APLP1: variants seen among roughly 807,000 people sequenced by gnomAD.
The protein encoded by APLP1 is amyloid beta (A4) precursor-like protein 1.
Under a neutral mutation model 84.5 loss-of-function variants are expected in APLP1, and 46 were observed. The observed-to-expected ratio is 0.54, with a 90% CI of 0.43 to 0.70. The LOEUF (loss-of-function observed/expected upper bound fraction) is 0.70. APLP1 is among the 30% of genes least tolerant of loss of function. The pLI is 0.00. For synonymous variants in APLP1, 376 were observed against 364.0 expected (o/e 1.03, Z -0.38); for missense variants, 826 against 900.2 (o/e 0.92, Z 1.05).
chr19:35,876,100 C>G (rs944967757), intron 10 of APLP1, among the ~76,000 whole-genome samples: 1 of 152,196 alleles, frequency 6.6e-6, no homozygotes, highest in Non-Finnish European at 1.5e-5. Flanking sequence ...GTTCCTTGAA[C>G]CCTCTTCCTG....
rs536587013 is a variant in APLP1 at position 35,871,276 on chromosome 19, G to A, written c.464G>A (p.Gly155Asp). 1.2e-6 allele frequency: 2 copies of A among 1,613,700 alleles called. No homozygotes were observed. The highest frequency in any genetic ancestry group is 1.7e-6 in the Non-Finnish European group (2 of 1,179,870). The change falls in exon 4 of 17, where the codon GGC becomes GAC. Residue 155 changes from glycine (G) to aspartate (D), a missense_variant. Gly to Asp is a moderately conservative substitution (Grantham distance 94). This residue lies in a region of APLP1 where 383 missense variants were observed against 378.3 expected (regional missense o/e 1.01). Transcript: ENST00000221891. Reference protein sequence around the residue: ...FVSEALLVPEGCRFLHQERMD... With the variant: ...FVSEALLVPEDCRFLHQERMD... ...AGTGAGGCCCTGCTGGTGCCTGAAG[G>A]CTGCCGGTTCTTGCACCAGGAGCGC...
Position 35,871,012 on chromosome 19 carries a change from G to T in APLP1, c.408G>T (p.Val136=), listed in dbSNP as rs578207029. 1 of 1,539,104 alleles carries T rather than the reference G, an allele frequency of 6.5e-7. No individual in the cohort carries two copies. Among genetic ancestry groups the T allele is most frequent in the South Asian group, 1.2e-5 (1 of 80,528 alleles). Residue 136 remains valine, a synonymous_variant, in exon 3 of 17, where the codon GTG becomes GTT. Coordinates refer to ENST00000221891, the MANE Select transcript of APLP1 (RefSeq NM_001024807.3). ...GSCAHPHHQV[V]PFRCLPGEFV... is the part of the protein sequence containing the mutation. ...GCGCCCACCCCCACCACCAGGTTGTGCCCTTCCGCTGCCTGCGTGAGTCCC... is the reference window on the plus strand; with the variant it reads ...GCGCCCACCCCCACCACCAGGTTGTTCCCTTCCGCTGCCTGCGTGAGTCCC...
At chr19:35,876,868 G>A (rs1004831768) in intron 11 of APLP1, among the ~76,000 whole-genome samples, 1 of 152,182 alleles carries the variant, frequency 6.6e-6, no homozygotes, top group Non-Finnish European at 1.5e-5. Context: ...TCTAGGGGCT[G>A]GGAGTCTAGC....
At chr19:35,876,169 C>T (rs1413564130) in intron 10 of APLP1, among the ~76,000 whole-genome samples, 3 of 152,136 alleles carry the variant, frequency 2.0e-5, no homozygotes, top group African/African-American at 2.4e-5. Context: ...CTGTTCTGTG[C>T]GCTCAAATTT....
Position 35,877,803 on chromosome 19 carries a change from G to C in APLP1, c.1530G>C (p.Leu510=). Residue 510 remains leucine, a synonymous_variant, in exon 12 of 17, where the codon CTG becomes CTC. Coordinates refer to ENST00000221891, the MANE Select transcript of APLP1 (RefSeq NM_001024807.3). ...PGGSSEDKGG[L]QPPDSKDADT... ...GCAGCAGCGAGGACAAGGGTGGGCT[G>C]CAGCCTCCAGATTCCAAGGATGGTG... The C allele has an allele frequency of 6.2e-7, 1 of 1,610,428 alleles. No homozygotes were observed. The highest frequency in any genetic ancestry group is 8.5e-7 in the Non-Finnish European group (1 of 1,178,906).
At position 35,871,913 on chromosome 19, in the gene APLP1, G is replaced by T. The variant is rs1224573406; in HGVS notation, c.727G>T (p.Glu243Ter). The change falls in exon 6 of 17, where the codon GAG becomes TAG. Residue 243 changes from glutamate (E) to a stop codon, truncating the protein, a stop_gained. Coordinates refer to ENST00000221891, the MANE Select transcript of APLP1 (RefSeq NM_001024807.3). LOFTEE classifies it high-confidence loss of function. ...GAGCAGAGTAGAGGGGGCTGAGGAC[G>T]AGGAAGAGGAGGAATCCTTCCCACA... ...PGSRVEGAED[E>*]EEEESFPQPV... 6.2e-7 allele frequency: 1 copy of T among 1,614,028 alleles called. No individual in the cohort carries two copies. The highest frequency in any genetic ancestry group is 8.5e-7 in the Non-Finnish European group (1 of 1,180,018).
At chr19:35,872,424 G>C in intron 6 of APLP1, 59 bp from the exon 7 acceptor site, 2 of 1,580,132 alleles carry the variant, frequency 1.3e-6, no homozygotes, top group East Asian at 4.5e-5. Context: ...GGTTCTCTAG[G>C]TAGAAAAGGC....
rs114809308 is a variant in APLP1, at chr19:35,868,945, G to T, written c.147+162G>T. ...TATGAACCCAGGGTTCCAGGCCCCA[G>T]CTCCCCCATCATGCGACGTCCCAGC... On this transcript the variant is annotated intron_variant, in intron 1 of 16. Transcript: ENST00000221891. The surrounding 1 kb of genome is among the most constrained non-coding windows in gnomAD (Gnocchi z 5.2). 1,652 of 454,884 alleles carry T rather than the reference G, an allele frequency of 3.6e-3. 22 individuals are homozygous for T. Among genetic ancestry groups the T allele is most frequent in the African/African-American group, 0.031 (1,459 of 47,354 alleles). The allele number at this position is 454,884 out of a possible 1,614,324, so 28.2% of individuals were successfully genotyped here.
chr19:35,876,668 G>A (rs1351521815), intron 11 of APLP1, 52 bp downstream of exon 11: 1 of 1,447,794 alleles, frequency 6.9e-7, no homozygotes, highest in African/African-American at 1.4e-5. Flanking sequence ...GGCAGATCTT[G>A]ACTCCTAAAT....
At chr19:35,869,077 G>A in intron 1 of APLP1, 1 of 317,832 alleles carries the variant, frequency 3.1e-6, no homozygotes, top group Non-Finnish European at 5.7e-6. Flanking sequence ...CCTCCCGCCT[G>A]GACATAGGAC....
In APLP1 at chr19:35,874,291, A is replaced by C. The variant is rs1420210128; in HGVS notation, c.1057-213A>C. Among the ~76,000 whole-genome samples, 1 of 152,012 alleles carries C rather than the reference A, an allele frequency of 6.6e-6. No homozygotes were observed. The highest frequency in any genetic ancestry group is 1.5e-5 in the Non-Finnish European group (1 of 68,018). Reference sequence around the variant, plus strand: ...TTGCTCCCACTCAATCTTACAGTTTACATCCTCACATTGGCTCCCAGTGGG... The same window carrying C: ...TTGCTCCCACTCAATCTTACAGTTTCCATCCTCACATTGGCTCCCAGTGGG... On this transcript the variant is annotated intron_variant, in intron 8 of 16. Transcript: ENST00000221891. This position sits in a 1 kb window ranked among gnomAD's most constrained non-coding sequence, Gnocchi z 6.4.
Position 35,868,927 on chromosome 19 carries a change from C to A in APLP1, c.147+144C>A. On this transcript the variant is annotated intron_variant, in intron 1 of 16. Transcript: ENST00000221891. This position sits in a 1 kb window ranked among gnomAD's most constrained non-coding sequence, Gnocchi z 5.2. Reference sequence around the variant, plus strand: ...GGCGCCCCCAATCACATTTATGAACCCAGGGTTCCAGGCCCCAGCTCCCCC... The same window carrying A: ...GGCGCCCCCAATCACATTTATGAACACAGGGTTCCAGGCCCCAGCTCCCCC... 2 of 600,778 alleles carry A rather than the reference C, an allele frequency of 3.3e-6. No individual in the cohort carries two copies. Among genetic ancestry groups the A allele is most frequent in the South Asian group, 5.3e-5 (1 of 18,706 alleles). 37.2% of individuals were successfully genotyped at this position (600,778 alleles called of 1,614,324 possible).
chr19:35,868,904 C>T lies in APLP1; in HGVS notation c.147+121C>T. ...TCCAGCCAGGTGGTCAGCCCCCAGG[C>T]GCCCCCAATCACATTTATGAACCCA... On this transcript the variant is annotated intron_variant, in intron 1 of 16. Transcript: ENST00000221891. This position sits in a 1 kb window ranked among gnomAD's most constrained non-coding sequence, Gnocchi z 5.2. The T allele has an allele frequency of 1.0e-5, 9 of 869,106 alleles. No homozygotes were observed. Among genetic ancestry groups the T allele is most frequent in the Non-Finnish European group, 1.2e-5 (8 of 650,464 alleles). 53.8% of individuals were successfully genotyped at this position (869,106 alleles called of 1,614,324 possible). A position where few individuals can be genotyped will look rare whatever the true frequency, so the allele number is the denominator to read the frequency against.
In APLP1 at chr19:35,878,673, T is replaced by C. The variant is rs763185240; in HGVS notation, c.1650+19T>C. 1 of 1,613,934 alleles carries C rather than the reference T, an allele frequency of 6.2e-7. No homozygotes were observed. Among genetic ancestry groups the C allele is most frequent in the Non-Finnish European group, 8.5e-7 (1 of 1,179,874 alleles). Reference sequence around the variant, plus strand: ...GCGAAAGGTAAGTTAGTCAGAACTGTGGGCTCCCTAAGGGGAACAAGATCG... The same window carrying C: ...GCGAAAGGTAAGTTAGTCAGAACTGCGGGCTCCCTAAGGGGAACAAGATCG... On this transcript the variant is annotated intron_variant, in intron 14 of 16. Coordinates refer to ENST00000221891, the MANE Select transcript of APLP1 (RefSeq NM_001024807.3).
chr19:35,873,191 C>A (rs1974200713), intron 7 of APLP1, among the ~76,000 whole-genome samples: 2 of 151,212 alleles, frequency 1.3e-5, no homozygotes, highest in African/African-American at 4.9e-5. Flanking sequence ...TCTGGATCTT[C>A]CCTCTTGGGA....
At chr19:35,872,135 GA>G in intron 6 of APLP1, 99 bp downstream of exon 6, 1 of 1,388,544 alleles carries the variant, frequency 7.2e-7, no homozygotes, top group South Asian at 1.4e-5. Flanking sequence ...GCCTATAGGG[GA>G]AAGGCCCAAC....
At position 35,874,968 on chromosome 19, in the gene APLP1, G is replaced by T; in HGVS notation, c.1344+99G>T. The T allele has an allele frequency of 3.4e-6, 5 of 1,481,848 alleles. No homozygotes were observed. Among genetic ancestry groups the T allele is most frequent in the African/African-American group, 2.8e-5 (2 of 72,130 alleles). 91.8% of individuals were successfully genotyped at this position (1,481,848 alleles called of 1,614,324 possible). A position where few individuals can be genotyped will look rare whatever the true frequency, so the allele number is the denominator to read the frequency against. On this transcript the variant is annotated intron_variant, in intron 10 of 16. Coordinates refer to ENST00000221891, the MANE Select transcript of APLP1 (RefSeq NM_001024807.3). This position sits in a 1 kb window ranked among gnomAD's most constrained non-coding sequence, Gnocchi z 6.4. Reference sequence around the variant, plus strand: ...CCTTAGACCCTCTTTCTGTCTCTTGGACCCCTTCCTATCCCCTGAACACCG... The same window carrying T: ...CCTTAGACCCTCTTTCTGTCTCTTGTACCCCTTCCTATCCCCTGAACACCG...
At chr19:35,871,524 C>T in intron 4 of APLP1, 88 bp from the exon 5 acceptor site, 1 of 1,536,488 alleles carries the variant, frequency 6.5e-7, no homozygotes, top group East Asian at 2.3e-5. Context: ...GGCTCCCAGC[C>T]TCATCAACCC....
rs1974090824 is a variant in APLP1, at chr19:35,869,677, C to T, written c.158C>T (p.Ser53Leu). 6.2e-7 allele frequency: 1 copy of T among 1,609,660 alleles called. No homozygotes were observed. The highest frequency in any genetic ancestry group is 8.5e-7 in the Non-Finnish European group (1 of 1,178,330). ...TCCACTTCCATCCAGGCCCCGGGGT[C>T]GGCCCAGGTGGCTGGACTATGCGGG... is the stretch of plus-strand genomic sequence containing the variant. Reference protein sequence around the residue: ...GSPGAAEAPGSAQVAGLCGRL... With the variant: ...GSPGAAEAPGLAQVAGLCGRL... Residue 53 changes from serine to leucine, a missense_variant, in exon 2 of 17, where the codon TCG becomes TTG. This residue lies in a region of APLP1 where 383 missense variants were observed against 378.3 expected (regional missense o/e 1.01). Transcript: ENST00000221891.
Sources: allele counts gnomAD v4.1 joint callset (sites outside exome capture counted in the v4.1 genomes callset), GRCh38; gene constraint gnomAD v4.1.1; regional missense constraint gnomAD v4.1.1; non-coding constraint Gnocchi (gnomAD v3.1); transcripts MANE v1.5; gene names NCBI Gene and HGNC (gene_info 2026-07-23, HGNC 2026-07-21).